Variants in ARHGAP8 observed in about 807,000 individuals in gnomAD.
ARHGAP8 encodes the protein Rho GTPase activating protein 8, also known as rho GTPase-activating protein 8.
Under a neutral mutation model 46.1 loss-of-function variants are expected in ARHGAP8, and 62 were observed. The observed-to-expected ratio is 1.34, with a 90% CI of 1.10 to 1.66. The LOEUF is 1.66. Ranked by LOEUF, ARHGAP8 falls within the 40% of genes most tolerant of loss-of-function variation. ARHGAP8 has a pLI of 0.00. For missense variants in ARHGAP8, 923 were observed against 568.4 expected, an observed-to-expected ratio of 1.62 and a Z score of -6.34; for synonymous variants, 375 against 243.1, an observed-to-expected ratio of 1.54 and a Z score of -5.05.
intron 7 of ARHGAP8, among the ~76,000 whole-genome samples, chr22:44,835,665 A>C (rs756880853): frequency 6.6e-6 from 1 of 152,064 alleles, no homozygotes; most frequent in Non-Finnish European, 1.5e-5. Context: ...AGAGAATACA[A>C]CTTTTGGGTG....
At chr22:44,794,743 A>G (rs961454311) in intron 2 of ARHGAP8, among the ~76,000 whole-genome samples, 2 of 151,302 alleles carry the variant, frequency 1.3e-5, no homozygotes, top group Admixed American at 6.6e-5. Context: ...ATACTTTATT[A>G]TGGAAATTTT....
chr22:44,824,407 G>C lies in ARHGAP8; in HGVS notation c.486-1076G>C, dbSNP rs73422251. ...AGTCCAGTGCACCACCTTCTCCGCA[G>C]ACCTTTCCTGCATTGTCGGGTGCCT... On this transcript the variant is annotated intron_variant, in intron 6 of 11. Transcript: ENST00000356099. Among the ~76,000 whole-genome samples, 1,140 of 152,254 alleles carry C rather than the reference G, an allele frequency of 7.5e-3. 19 individuals carry two copies. The highest frequency in any genetic ancestry group is 0.026 in the African/African-American group (1,093 of 41,540).
intron 2 of ARHGAP8, among the ~76,000 whole-genome samples, chr22:44,788,670 T>C (rs5766020): frequency 0.43 from 65,066 of 152,062 alleles, 14,289 homozygotes; most frequent in East Asian, 0.55. Context: ...CTGGAGTTTA[T>C]AGGTGTGAGC....
chr22:44,842,572 G>A (rs1000974100), intron 7 of ARHGAP8, among the ~76,000 whole-genome samples: 5 of 152,196 alleles, frequency 3.3e-5, no homozygotes, highest in Admixed American at 1.3e-4. Context: ...GCTCAGGCAG[G>A]TGGGGCTGGT....
At chr22:44,859,411 C>T (rs1050949182) in intron 10 of ARHGAP8, among the ~76,000 whole-genome samples, 6 of 152,180 alleles carry the variant, frequency 3.9e-5, no homozygotes, top group Non-Finnish European at 8.8e-5. Flanking sequence ...TCCTTTTTGC[C>T]TTCTGCCATA....
chr22:44,856,295 A>G (rs529024599), intron 10 of ARHGAP8, among the ~76,000 whole-genome samples: 295 of 105,336 alleles, frequency 2.8e-3, no homozygotes, highest in Middle Eastern at 7.6e-3. Context: ...TTTTTGAGAC[A>G]AAGTCTCACT....
At chr22:44,761,104 C>G (rs971443174) in intron 1 of ARHGAP8, among the ~76,000 whole-genome samples, 1 of 152,208 alleles carries the variant, frequency 6.6e-6, no homozygotes, top group African/African-American at 2.4e-5. Flanking sequence ...CTAGGCACCA[C>G]GGATACTGTT....
intron 7 of ARHGAP8, among the ~76,000 whole-genome samples, chr22:44,828,066 T>A (rs915508408): frequency 6.6e-5 from 10 of 152,204 alleles, no homozygotes; most frequent in Admixed American, 3.9e-4. Flanking sequence ...ACTGTCGTAC[T>A]GCACTGCACA....
At chr22:44,823,028 G>T (rs1185045801) in intron 6 of ARHGAP8, among the ~76,000 whole-genome samples, 1 of 152,240 alleles carries the variant, frequency 6.6e-6, no homozygotes, top group Admixed American at 6.5e-5. Context: ...CCCAGCCTGG[G>T]TTCCCTCTGC....
intron 1 of ARHGAP8, among the ~76,000 whole-genome samples, chr22:44,772,223 CTTTTTTTT>C (rs71188484): frequency 6.1e-5 from 1 of 16,402 alleles, no homozygotes; most frequent in Non-Finnish European, 1.6e-4. Context: ...ACTGTTTTGC[CTTTTTTTT>C]TTTTTTTTTT....
intron 1 of ARHGAP8, among the ~76,000 whole-genome samples, chr22:44,757,363 C>T (rs773542332): frequency 9.2e-5 from 14 of 152,050 alleles, no homozygotes; most frequent in Non-Finnish European, 1.6e-4. Flanking sequence ...CTGCAACCTC[C>T]GCGTCCCGGG....
intron 1 of ARHGAP8, among the ~76,000 whole-genome samples, chr22:44,762,369 A>T (rs1277568203): frequency 6.6e-6 from 1 of 151,962 alleles, no homozygotes; most frequent in Non-Finnish European, 1.5e-5. Context: ...CCAGGAGTTC[A>T]AGGCTGTAGT....
intron 1 of ARHGAP8, among the ~76,000 whole-genome samples, chr22:44,764,829 G>A (rs1427220391): frequency 5.3e-5 from 8 of 152,220 alleles, no homozygotes; most frequent in African/African-American, 1.4e-4. Context: ...GTGTCCCTGC[G>A]AGAGGGAGCT....
intron 4 of ARHGAP8, among the ~76,000 whole-genome samples, chr22:44,812,548 G>GT (rs1929414837): frequency 6.6e-6 from 1 of 151,884 alleles, no homozygotes; most frequent in African/African-American, 2.4e-5. Context: ...GTGGAGACGG[G>GT]TTTTCACCAT....
At chr22:44,805,756 T>C (rs974080568) in intron 3 of ARHGAP8, among the ~76,000 whole-genome samples, 8 of 152,228 alleles carry the variant, frequency 5.3e-5, no homozygotes, top group Admixed American at 2.6e-4. Flanking sequence ...TCAGGCTTAC[T>C]TCTCCGCAGC....
At chr22:44,790,676 CAAAAAAAAAA>C (rs369579126) in intron 2 of ARHGAP8, among the ~76,000 whole-genome samples, 4 of 49,606 alleles carry the variant, frequency 8.1e-5, no homozygotes, top group African/African-American at 2.2e-4. Context: ...AACTCTGTCT[CAAAAAAAAAA>C]AAAAAAAAAA....
intron 7 of ARHGAP8, among the ~76,000 whole-genome samples, chr22:44,840,520 C>G (rs1212876452): frequency 6.6e-6 from 1 of 152,162 alleles, no homozygotes; most frequent in Non-Finnish European, 1.5e-5. Context: ...GTTGCTATGA[C>G]AAAGTACCAT....
At chr22:44,762,213 G>T (rs1158054282) in intron 1 of ARHGAP8, among the ~76,000 whole-genome samples, 1 of 152,214 alleles carries the variant, frequency 6.6e-6, no homozygotes, top group Non-Finnish European at 1.5e-5. Context: ...TGAGATGGGA[G>T]GATCACTTGA....
chr22:44,845,245 C>T (rs190669876), intron 7 of ARHGAP8, 24 bp from the exon 8 acceptor site: 147 of 1,613,810 alleles, frequency 9.1e-5, no homozygotes, highest in Middle Eastern at 1.7e-4. Flanking sequence ...GTAAAAACTG[C>T]GACTTTCTTT....
Sources: gnomAD v4.1 joint callset for allele counts (sites outside exome capture counted in the v4.1 genomes callset) on GRCh38, gnomAD v4.1.1 for gene constraint, MANE v1.5 for transcripts, NCBI Gene and HGNC (gene_info 2026-07-23, HGNC 2026-07-21) for gene names.